The following PLEKHA8 variants were observed in gnomAD, a reference collection of about 807,000 sequenced individuals.
PLEKHA8 encodes the protein pleckstrin homology domain-containing family A member 8.
Under a neutral mutation model 68.2 loss-of-function variants are expected in PLEKHA8, and 36 were observed. That is an observed-to-expected ratio of 0.53 (90% confidence interval 0.40 to 0.70). PLEKHA8 has a LOEUF of 0.70. PLEKHA8 is among the 30% of genes least tolerant of loss of function. The pLI is 0.00. For synonymous variants in PLEKHA8, 211 were observed against 216.1 expected, an observed-to-expected ratio of 0.98 and a Z score of 0.20; for missense variants, 505 against 615.4, an observed-to-expected ratio of 0.82 and a Z score of 1.90.
Position 30,097,647 on chromosome 7 carries a change from A to G in PLEKHA8, c.1362+23515A>G, listed in dbSNP as rs1003155550. 2.6e-5 allele frequency among the ~76,000 whole-genome samples: 4 copies of G among 152,258 alleles called. No individual in the cohort carries two copies. The East Asian group carries it at 7.7e-4, about 29-fold the overall frequency. Reference sequence around the variant, plus strand: ...CTACTGAGGCTTGTGCATTCGTCACATAGTTCTCGTGCCGTGGTTTTCAGC... The same window carrying G: ...CTACTGAGGCTTGTGCATTCGTCACGTAGTTCTCGTGCCGTGGTTTTCAGC... On this transcript the variant is annotated intron_variant, in intron 13 of 13. Coordinates refer to the PLEKHA8 transcript ENST00000396257.
downstream of PLEKHA8, among the ~76,000 whole-genome samples, chr7:30,087,499 C>G (rs1795230107): frequency 6.6e-6 from 1 of 152,158 alleles, no homozygotes; most frequent in East Asian, 1.9e-4. Context: ...CTTTTCCATC[C>G]AAGTCAGTTG....
intron 13 of PLEKHA8, among the ~76,000 whole-genome samples, chr7:30,112,664 A>G (rs949898080): frequency 2.3e-4 from 35 of 151,598 alleles, no homozygotes; most frequent in African/African-American, 7.0e-4. Flanking sequence ...GCAGTGAGCG[A>G]TGATTGTGCC....
chr7:30,129,301 C>T (rs1012654645), exon 14 of PLEKHA8: 1 of 1,612,626 alleles, frequency 6.2e-7, no homozygotes, highest in African/African-American at 1.3e-5. Flanking sequence ...ACTCCAGAAA[C>T]CATCATGGAC....
chr7:30,032,226 AT>A (rs931733920), intron 1 of PLEKHA8, among the ~76,000 whole-genome samples: 3 of 152,206 alleles, frequency 2.0e-5, no homozygotes, highest in African/African-American at 7.2e-5. Flanking sequence ...AGGGCTACAC[AT>A]TAATACTCTA....
chr7:30,130,339 T>C (rs1310738419), downstream of PLEKHA8: 1 of 152,236 alleles, frequency 6.6e-6, no homozygotes, highest in Admixed American at 6.5e-5. Flanking sequence ...TTTTGTGTGT[T>C]GGGCTTCACT....
At chr7:30,089,449 T>G (rs1306194647), downstream of PLEKHA8, among the ~76,000 whole-genome samples, 1 of 152,116 alleles carries the variant, frequency 6.6e-6, no homozygotes, top group Non-Finnish European at 1.5e-5. Flanking sequence ...TGTTGATGCT[T>G]AAATATTTTC....
intron 13 of PLEKHA8, among the ~76,000 whole-genome samples, chr7:30,107,418 G>C (rs1396363360): frequency 1.3e-5 from 2 of 151,768 alleles, no homozygotes; most frequent in East Asian, 3.9e-4. Flanking sequence ...AATTTTTGTT[G>C]CTATTGAATT....
rs186002994 is a variant in PLEKHA8 at position 30,030,386 on chromosome 7, T to G, written c.40+1584T>G. On this transcript the variant is annotated intron_variant, in intron 1 of 13. Coordinates refer to ENST00000449726, the MANE Select transcript of PLEKHA8 (RefSeq NM_001197026.2). ...TAACTATTTCCTGGTAGTGAAATGC[T>G]TTTGCTGTTGTTGTTGCTGACTGTC... is the stretch of plus-strand genomic sequence containing the variant. Among the ~76,000 whole-genome samples, 419 of 152,344 alleles carry G rather than the reference T, an allele frequency of 2.8e-3. 2 individuals carry two copies. Among genetic ancestry groups the G allele is most frequent in the Admixed American group, 5.0e-3 (77 of 15,308 alleles).
intron 1 of PLEKHA8, among the ~76,000 whole-genome samples, chr7:30,042,300 C>T (rs1262087356): frequency 6.6e-6 from 1 of 152,204 alleles, no homozygotes; most frequent in Non-Finnish European, 1.5e-5. Flanking sequence ...TGCACACATA[C>T]CCACTCACAC....
intron 7 of PLEKHA8, among the ~76,000 whole-genome samples, chr7:30,053,991 A>T (rs1016340534): frequency 6.6e-6 from 1 of 152,202 alleles, no homozygotes; most frequent in African/African-American, 2.4e-5. Context: ...ACTATTACTC[A>T]TGCTTGAATG....
At chr7:30,047,050 G>A (rs1171260269) in intron 3 of PLEKHA8, among the ~76,000 whole-genome samples, 1 of 152,196 alleles carries the variant, frequency 6.6e-6, no homozygotes, top group Non-Finnish European at 1.5e-5. Flanking sequence ...AGCTAGGGTG[G>A]GGTGAAATGG....
At chr7:30,030,480 A>G (rs192162382) in intron 1 of PLEKHA8, among the ~76,000 whole-genome samples, 12 of 152,328 alleles carry the variant, frequency 7.9e-5, no homozygotes, top group African/African-American at 2.4e-4. Flanking sequence ...TTTGATTCCT[A>G]TCTGTTCTGT....
chr7:30,043,874 C>A (rs961482262), intron 1 of PLEKHA8, among the ~76,000 whole-genome samples: 3 of 152,088 alleles, frequency 2.0e-5, no homozygotes. Flanking sequence ...AGCTGAGCAG[C>A]CCTTGGGGCT....
At chr7:30,129,088 T>C (rs867086283) in intron 13 of PLEKHA8, among the ~76,000 whole-genome samples, 2 of 152,232 alleles carry the variant, frequency 1.3e-5, no homozygotes, top group African/African-American at 4.8e-5. Flanking sequence ...TATAGCACCC[T>C]GCAATAGTCA....
rs1280928655 is a variant in PLEKHA8 at position 30,038,635 on chromosome 7, ACT to A, written c.41-6448_41-6447del. 5.3e-5 allele frequency among the ~76,000 whole-genome samples: 8 copies of A among 152,250 alleles called. No individual in the cohort carries two copies. In the East Asian group the frequency reaches 5.8e-4, roughly 11 times the overall value. ...ATTAAAGGACTATGCATTTATCAAAACTCAGAATTGTTCGCCAAATAATGAAT... is the reference window on the plus strand; with the variant it reads ...ATTAAAGGACTATGCATTTATCAAAACAGAATTGTTCGCCAAATAATGAAT... On this transcript the variant is annotated intron_variant, in intron 1 of 13. Coordinates refer to ENST00000449726, the MANE Select transcript of PLEKHA8 (RefSeq NM_001197026.2).
chr7:30,113,438 C>T (rs1267167510), intron 13 of PLEKHA8, among the ~76,000 whole-genome samples: 1 of 152,134 alleles, frequency 6.6e-6, no homozygotes, highest in East Asian at 1.9e-4. Flanking sequence ...GTGCTGTCAA[C>T]TTATTTTTTG....
intron 12 of PLEKHA8, among the ~76,000 whole-genome samples, chr7:30,073,437 AT>A (rs1794390434): frequency 6.6e-6 from 1 of 151,910 alleles, no homozygotes; most frequent in Non-Finnish European, 1.5e-5. Context: ...TATTGTCTCA[AT>A]TTTTCAATAT....
downstream of PLEKHA8, chr7:30,130,354 G>A (rs1796852479): frequency 6.6e-6 from 1 of 152,198 alleles, no homozygotes; most frequent in Non-Finnish European, 1.5e-5. Flanking sequence ...TTCACTGAAG[G>A]AAGCCCCTGA....
chr7:30,061,026 A>T, intron 10 of PLEKHA8, 84 bp downstream of exon 10: 11 of 1,288,024 alleles, frequency 8.5e-6, no homozygotes, highest in Non-Finnish European at 1.2e-5. Flanking sequence ...AGAATAAATC[A>T]AAAAGTGAAA....
Sources: gnomAD v4.1 joint callset for allele counts (sites outside exome capture counted in the v4.1 genomes callset) on GRCh38, gnomAD v4.1.1 for gene constraint, MANE v1.5 for transcripts, NCBI Gene and HGNC (gene_info 2026-07-23, HGNC 2026-07-21) for gene names.